The following MIPOL1 variants were observed in gnomAD, a reference collection of about 807,000 sequenced individuals.
The protein encoded by MIPOL1 is mirror-image polydactyly gene 1 protein.
In MIPOL1, 57 loss-of-function variants were observed where a neutral mutation model predicts 60.9. The ratio of observed to expected loss-of-function variants is 0.94; its 90% CI spans 0.76 to 1.17. The LOEUF (loss-of-function observed/expected upper bound fraction) is 1.17, where lower values mean the gene tolerates loss of function less well. MIPOL1 is among the 50% of genes most tolerant of loss of function. The pLI is 0.00. For synonymous variants in MIPOL1, 179 were observed against 168.8 expected, an observed-to-expected ratio of 1.06 and a Z score of -0.47; for missense variants, 551 against 511.6, an observed-to-expected ratio of 1.08 and a Z score of -0.74.
intron 11 of MIPOL1, among the ~76,000 whole-genome samples, chr14:37,453,180 G>C (rs1194175495): frequency 6.6e-6 from 1 of 152,034 alleles, no homozygotes. Flanking sequence ...GCATATGATA[G>C]GCCGTTATAT....
chr14:37,400,747 C>A (rs2093466238), intron 10 of MIPOL1: 1 of 152,080 alleles, frequency 6.6e-6, no homozygotes, highest in Non-Finnish European at 1.5e-5. Flanking sequence ...TGGTTGTGCC[C>A]TACAGAAAGT....
chr14:37,276,723 A>T (rs1167746082), intron 6 of MIPOL1: 1 of 151,236 alleles, frequency 6.6e-6, no homozygotes, highest in East Asian at 1.9e-4. Context: ...ATAGCCTTTA[A>T]CCTAATACTT....
intron 7 of MIPOL1, among the ~76,000 whole-genome samples, chr14:37,289,864 AG>A (rs776526227): frequency 3.9e-5 from 6 of 152,152 alleles, no homozygotes; most frequent in African/African-American, 7.2e-5. Flanking sequence ...AAGGTATCTA[AG>A]GGCTGCCAGC....
At chr14:37,394,384 G>A (rs1190664423) in intron 10 of MIPOL1, among the ~76,000 whole-genome samples, 2 of 151,910 alleles carry the variant, frequency 1.3e-5, no homozygotes, top group Admixed American at 6.6e-5. Flanking sequence ...CACCAGCAGT[G>A]TAGAAGTGTT....
chr14:37,356,943 A>AT (rs1194230107), intron 9 of MIPOL1, among the ~76,000 whole-genome samples: 2 of 151,964 alleles, frequency 1.3e-5, no homozygotes. Context: ...CCAGGATCTC[A>AT]TTTTTTTATG....
intron 9 of MIPOL1, among the ~76,000 whole-genome samples, chr14:37,338,844 T>G (rs1046203531): frequency 6.6e-6 from 1 of 152,148 alleles, no homozygotes; most frequent in Non-Finnish European, 1.5e-5. Flanking sequence ...TCAAAATGGC[T>G]TATAGACCTC....
At chr14:37,248,862 G>A (rs1167429767) in intron 3 of MIPOL1, among the ~76,000 whole-genome samples, 1 of 152,080 alleles carries the variant, frequency 6.6e-6, no homozygotes, top group African/African-American at 2.4e-5. Flanking sequence ...TCACAGGTAT[G>A]CACGTGTGGA....
At chr14:37,218,544 T>G (rs1248031234) in intron 1 of MIPOL1, among the ~76,000 whole-genome samples, 1 of 152,158 alleles carries the variant, frequency 6.6e-6, no homozygotes, top group East Asian at 1.9e-4. Context: ...ATAGGGTCTA[T>G]TTTGGTAAAT....
intron 7 of MIPOL1, among the ~76,000 whole-genome samples, chr14:37,296,120 C>T (rs2085648597): frequency 6.6e-6 from 1 of 152,134 alleles, no homozygotes; most frequent in Admixed American, 6.6e-5. Flanking sequence ...GACCACAGTG[C>T]AATCAAACTA....
At chr14:37,247,379 T>C (rs1290087937) in intron 2 of MIPOL1, 139 bp downstream of exon 2, 1 of 152,206 alleles carries the variant, frequency 6.6e-6, no homozygotes, top group Non-Finnish European at 1.5e-5. Context: ...TTTTTAAAAT[T>C]AGAGTAATAT....
At chr14:37,392,203 A>G (rs2093264038) in intron 10 of MIPOL1, among the ~76,000 whole-genome samples, 1 of 151,218 alleles carries the variant, frequency 6.6e-6, no homozygotes, top group Non-Finnish European at 1.5e-5. Flanking sequence ...ATCAAGGAAC[A>G]GTGTATGTGT....
chr14:37,287,383 A>G (rs1197326535), intron 7 of MIPOL1, among the ~76,000 whole-genome samples: 3 of 152,172 alleles, frequency 2.0e-5, no homozygotes, highest in Middle Eastern at 3.4e-3. Flanking sequence ...AGCTATGACT[A>G]CAGGGACTTC....
At chr14:37,407,815 TTA>T (rs1201463920) in intron 10 of MIPOL1, among the ~76,000 whole-genome samples, 2 of 150,412 alleles carry the variant, frequency 1.3e-5, no homozygotes, top group Non-Finnish European at 3.0e-5. Flanking sequence ...CCAGTATGCT[TTA>T]TTTTTTCTTT....
intron 9 of MIPOL1, among the ~76,000 whole-genome samples, chr14:37,310,482 G>A (rs1753745638): frequency 6.6e-6 from 1 of 152,194 alleles, no homozygotes; most frequent in East Asian, 1.9e-4. Context: ...TTGCACCCAT[G>A]TGCTCTGCCT....
chr14:37,335,305 C>T (rs1349097123), intron 9 of MIPOL1, among the ~76,000 whole-genome samples: 1 of 152,000 alleles, frequency 6.6e-6, no homozygotes, highest in Non-Finnish European at 1.5e-5. Context: ...TTACTGTCTT[C>T]ACTATTTTTA....
intron 12 of MIPOL1, among the ~76,000 whole-genome samples, chr14:37,510,744 AAGC>A: frequency 6.6e-6 from 1 of 152,288 alleles, no homozygotes; most frequent in South Asian, 2.1e-4. Context: ...ATTAAAGTAA[AAGC>A]AGGTCAAGTT....
At chr14:37,391,201 C>T (rs1024725054) in intron 10 of MIPOL1, among the ~76,000 whole-genome samples, 2 of 151,110 alleles carry the variant, frequency 1.3e-5, no homozygotes, top group African/African-American at 2.4e-5. Flanking sequence ...CATAGTGGCA[C>T]ATAAACGTAG....
At chr14:37,269,766 C>A (rs1317760945) in intron 5 of MIPOL1, among the ~76,000 whole-genome samples, 1 of 151,984 alleles carries the variant, frequency 6.6e-6, no homozygotes, top group Non-Finnish European at 1.5e-5. Context: ...TAGGCAAATC[C>A]CTTCCAAATA....
At chr14:37,386,479 C>G (rs911167856) in intron 10 of MIPOL1, among the ~76,000 whole-genome samples, 2 of 151,844 alleles carry the variant, frequency 1.3e-5, no homozygotes, top group African/African-American at 4.8e-5. Context: ...CTCCATATAA[C>G]TGGATTTTTA....
Sources: gnomAD v4.1 joint callset for allele counts (sites outside exome capture counted in the v4.1 genomes callset) on GRCh38, gnomAD v4.1.1 for gene constraint, MANE v1.5 for transcripts, NCBI Gene and HGNC (gene_info 2026-07-23, HGNC 2026-07-21) for gene names.